The following ZNF148 variants were observed in gnomAD, a reference collection of about 807,000 sequenced individuals.
ZNF148 encodes zinc finger protein 148.
ZNF148 carries 7 observed loss-of-function variants against 67.7 expected under a neutral mutation model. The observed-to-expected ratio is 0.10, with a 90% CI of 0.06 to 0.19. The LOEUF (loss-of-function observed/expected upper bound fraction) is 0.19, where lower values mean the gene tolerates loss of function less well. Ranked by LOEUF, ZNF148 falls within the 10% of genes least tolerant of loss-of-function variation. ZNF148 has a pLI of 1.00. For synonymous variants in ZNF148, 333 were observed against 330.7 expected (o/e 1.01, Z -0.08); for missense variants, 583 against 947.1 (o/e 0.62, Z 5.05).
intron 3 of ZNF148, among the ~76,000 whole-genome samples, chr3:125,314,724 T>C (rs1940399418): frequency 6.6e-6 from 1 of 152,168 alleles, no homozygotes; most frequent in Non-Finnish European, 1.5e-5. Flanking sequence ...AACATCTGAT[T>C]TCACTTTTCA....
chr3:125,265,062 C>T (rs1332136007), intron 7 of ZNF148, among the ~76,000 whole-genome samples: 16 of 152,122 alleles, frequency 1.1e-4, no homozygotes, highest in Admixed American at 9.2e-4. Flanking sequence ...GAACAGCTTT[C>T]GAATACAAAA....
At chr3:125,279,283 TAA>T (rs777022814) in intron 5 of ZNF148, 36 bp from the exon 6 acceptor site, 32 of 1,434,680 alleles carry the variant, frequency 2.2e-5, no homozygotes, top group Non-Finnish European at 2.9e-5. Context: ...ACAAAAGAAA[TAA>T]GTTTTTAAAA....
chr3:125,236,426 A>C lies in ZNF148; in HGVS notation c.668-2097T>G, dbSNP rs552692540. On this transcript the variant is annotated intron_variant, in intron 7 of 8. Transcript: ENST00000360647. The stretch of plus-strand genomic sequence containing the variant: ...ATAGTGACCATTACAGTGGATTATT[A>C]AGGGGAAAATGTTACTATGAGCTAG... 5.8e-4 allele frequency among the ~76,000 whole-genome samples: 88 copies of C among 152,244 alleles called. No individual in the cohort carries two copies. In the Middle Eastern group the frequency reaches 0.01, roughly 18 times the overall value.
At chr3:125,320,438 A>G (rs999414818) in intron 3 of ZNF148, among the ~76,000 whole-genome samples, 2 of 152,188 alleles carry the variant, frequency 1.3e-5, no homozygotes, top group Admixed American at 6.5e-5. Context: ...CCTTTAATTA[A>G]TCTGCATTTG....
At chr3:125,325,855 C>T (rs939158888) in intron 2 of ZNF148, among the ~76,000 whole-genome samples, 1 of 152,090 alleles carries the variant, frequency 6.6e-6, no homozygotes. Flanking sequence ...ATAAAGCAAC[C>T]TACACCTGGA....
At chr3:125,319,858 G>C (rs1296431702) in intron 3 of ZNF148, among the ~76,000 whole-genome samples, 2 of 152,096 alleles carry the variant, frequency 1.3e-5, no homozygotes, top group Non-Finnish European at 2.9e-5. Flanking sequence ...ACTATTTCCT[G>C]ACTTTAAAAG....
chr3:125,243,604 G>A (rs1012503226), intron 7 of ZNF148, among the ~76,000 whole-genome samples: 2 of 151,962 alleles, frequency 1.3e-5, no homozygotes, highest in African/African-American at 2.4e-5. Context: ...CACTGCAGCC[G>A]TGAACTCCTG....
intron 7 of ZNF148, among the ~76,000 whole-genome samples, chr3:125,248,361 G>C (rs1407281620): frequency 3.3e-5 from 5 of 152,088 alleles, no homozygotes; most frequent in African/African-American, 1.2e-4. Context: ...CCTATAATAA[G>C]AGCTCAGCAG....
chr3:125,245,425 T>C (rs1480486009), intron 7 of ZNF148, among the ~76,000 whole-genome samples: 1 of 152,210 alleles, frequency 6.6e-6, no homozygotes, highest in Non-Finnish European at 1.5e-5. Flanking sequence ...GCAAGTTTCC[T>C]GATGCCTCCC....
chr3:125,280,645 C>T (rs922573881), intron 5 of ZNF148, among the ~76,000 whole-genome samples: 3 of 147,196 alleles, frequency 2.0e-5, no homozygotes, highest in African/African-American at 7.6e-5. Context: ...CATGCCACTG[C>T]ACTCCAGCCT....
At chr3:125,248,405 A>G (rs1050574988) in intron 7 of ZNF148, among the ~76,000 whole-genome samples, 2 of 152,190 alleles carry the variant, frequency 1.3e-5, no homozygotes, top group Admixed American at 1.3e-4. Flanking sequence ...TGGACTTACC[A>G]AATCTGATAA....
chr3:125,283,180 T>C (rs1013602601), intron 5 of ZNF148, among the ~76,000 whole-genome samples: 1 of 152,080 alleles, frequency 6.6e-6, no homozygotes, highest in African/African-American at 2.4e-5. Context: ...AATAACAAAG[T>C]CACCCTGAGT....
At chr3:125,314,070 G>C (rs1940368174) in intron 3 of ZNF148, among the ~76,000 whole-genome samples, 1 of 151,840 alleles carries the variant, frequency 6.6e-6, no homozygotes, top group South Asian at 2.1e-4. Flanking sequence ...TTTAGAAATA[G>C]TCATTAAGCA....
At chr3:125,297,617 A>T (rs1021825869) in intron 4 of ZNF148, among the ~76,000 whole-genome samples, 2 of 151,312 alleles carry the variant, frequency 1.3e-5, no homozygotes, top group Admixed American at 6.6e-5. Flanking sequence ...TTACTAAAAA[A>T]TAATATTTAA....
At chr3:125,322,300 A>G (rs1393225004) in intron 3 of ZNF148, among the ~76,000 whole-genome samples, 4 of 151,776 alleles carry the variant, frequency 2.6e-5, no homozygotes, top group African/African-American at 9.7e-5. Flanking sequence ...TGCTGGGATT[A>G]CAGGCCTGAG....
In ZNF148 at chr3:125,232,853, T is replaced by A; in HGVS notation, c.1873A>T (p.Ser625Cys). The A allele has an allele frequency of 6.2e-7, 1 of 1,613,894 alleles. No individual in the cohort carries two copies. The highest frequency in any genetic ancestry group is 1.3e-5 in the African/African-American group (1 of 75,026). The change falls in exon 9 of 9, where the codon AGC becomes TGC. Residue 625 changes from serine to cysteine, a missense_variant. Coordinates refer to ENST00000360647, the MANE Select transcript of ZNF148 (RefSeq NM_021964.3). This position sits in a 1 kb window ranked among gnomAD's most constrained non-coding sequence, Gnocchi z 4.2. ...RTSQNDAYLNSPSLNFVTDNQ... is the reference protein window; with the variant it reads ...RTSQNDAYLNCPSLNFVTDNQ... The stretch of plus-strand genomic sequence containing the variant: ...TCAGTCACAAAGTTAAGGCTCGGGC[T>A]ATTCAAATAGGCATCATTTTGGCTA...
At chr3:125,237,118 T>G (rs1297257274) in intron 7 of ZNF148, among the ~76,000 whole-genome samples, 1 of 152,114 alleles carries the variant, frequency 6.6e-6, no homozygotes, top group Non-Finnish European at 1.5e-5. Context: ...GAGACTGAAT[T>G]GACTGAAGGC....
chr3:125,240,708 G>A (rs1936310902), intron 7 of ZNF148, among the ~76,000 whole-genome samples: 1 of 150,936 alleles, frequency 6.6e-6, no homozygotes, highest in Non-Finnish European at 1.5e-5. Flanking sequence ...AGGCTGCAGT[G>A]AGCTGTGATT....
Position 125,232,360 on chromosome 3 carries a change from G to A in ZNF148, c.2366C>T (p.Thr789Ile), listed in dbSNP as rs1935890820. Reference protein sequence around the residue: ...AGMTSSPDATTGQTFG With the variant: ...AGMTSSPDATIGQTFG ...TTTTTTTTAGCCAAAAGTCTGGCCA[G>A]TTGTGGCATCAGGTGAAGATGTCAT... The change falls in exon 9 of 9, where the codon ACT (threonine) becomes ATT (isoleucine). Residue 789 changes from threonine (T) to isoleucine (I), a missense_variant. Physicochemically the swap from Thr to Ile is moderately conservative, Grantham distance 89 (BLOSUM62 -1). Transcript: ENST00000360647. The surrounding 1 kb of genome is among the most constrained non-coding windows in gnomAD (Gnocchi z 4.2). 1 of 1,593,964 alleles carries A rather than the reference G, an allele frequency of 6.3e-7. No individual in the cohort carries two copies. The highest frequency in any genetic ancestry group is 8.6e-7 in the Non-Finnish European group (1 of 1,167,612).
Sources: gnomAD v4.1 joint callset for allele counts (sites outside exome capture counted in the v4.1 genomes callset) on GRCh38, gnomAD v4.1.1 for gene constraint, Gnocchi (gnomAD v3.1) non-coding constraint, MANE v1.5 for transcripts, NCBI Gene and HGNC (gene_info 2026-07-23, HGNC 2026-07-21) for gene names.